CFAP54: variants seen among roughly 807,000 people sequenced by gnomAD.
The protein encoded by CFAP54 is cilia- and flagella-associated protein 54.
In CFAP54, 290 loss-of-function variants were observed where a neutral mutation model predicts 370.4. The observed-to-expected ratio is 0.78, with a 90% CI of 0.71 to 0.86. CFAP54 has a LOEUF of 0.86. Among genes scored for constraint, CFAP54 ranks in the 40% least tolerant of loss-of-function variants. The pLI, the probability that CFAP54 is intolerant of heterozygous loss-of-function variation, is 0.00. For synonymous variants in CFAP54, 1,206 were observed against 1,236.5 expected (o/e 0.98, Z 0.52); for missense variants, 3,399 against 3,528.7 (o/e 0.96, Z 0.93).
At chr12:96,704,706 A>T (rs549682867) in intron 46 of CFAP54, 37 bp from the exon 47 acceptor site, 58 of 976,184 alleles carry the variant, frequency 5.9e-5, no homozygotes, top group Middle Eastern at 2.3e-4. Flanking sequence ...TACTCAAGTA[A>T]TCTTGTTCTT....
chr12:96,549,260 G>A (rs1410892911), intron 15 of CFAP54, among the ~76,000 whole-genome samples: 2 of 152,038 alleles, frequency 1.3e-5, no homozygotes, highest in Admixed American at 1.3e-4. Flanking sequence ...CTACCTATAG[G>A]TACAAAGTGC....
intron 63 of CFAP54, among the ~76,000 whole-genome samples, chr12:96,803,185 A>G (rs1258991900): frequency 1.3e-5 from 2 of 152,180 alleles, no homozygotes; most frequent in African/African-American, 2.4e-5. Context: ...TCCTTTGGGT[A>G]TATACCCAGT....
chr12:96,654,848 T>TTTTTTTTTTTTTTTTTTTA (rs1565930368), intron 36 of CFAP54, among the ~76,000 whole-genome samples: 2 of 151,092 alleles, frequency 1.3e-5, no homozygotes, highest in Admixed American at 6.6e-5. Context: ...TTTTTTTTTT[T>TTTTTTTTTTTTTTTTTTTA]AAGAAATGAG....
intron 63 of CFAP54, among the ~76,000 whole-genome samples, chr12:96,810,154 A>G (rs1006153751): frequency 1.4e-4 from 21 of 151,660 alleles, no homozygotes; most frequent in Admixed American, 9.2e-4. Flanking sequence ...CTGCCTTTAA[A>G]GGTACCTGAG....
chr12:96,568,183 C>T (rs1434332575), intron 19 of CFAP54, among the ~76,000 whole-genome samples: 5 of 147,516 alleles, frequency 3.4e-5, no homozygotes, highest in African/African-American at 5.0e-5. Flanking sequence ...TATACACGGA[C>T]GATTTTCTTT....
At chr12:96,619,407 T>C (rs748572271) in intron 26 of CFAP54, among the ~76,000 whole-genome samples, 4 of 152,204 alleles carry the variant, frequency 2.6e-5, no homozygotes, top group Non-Finnish European at 5.9e-5. Context: ...GCTCTGTTTC[T>C]TTTCTCTGTT....
intron 62 of CFAP54, 113 bp downstream of exon 62, chr12:96,787,011 A>C: frequency 1.2e-6 from 1 of 817,242 alleles, no homozygotes; most frequent in Non-Finnish European, 1.9e-6. Context: ...CTTCTCTCAG[A>C]GTTCTAGGGA....
chr12:96,823,301 C>G (rs533359842), intron 65 of CFAP54, among the ~76,000 whole-genome samples: 3 of 152,324 alleles, frequency 2.0e-5, no homozygotes, highest in African/African-American at 7.2e-5. Context: ...GATGACTTGT[C>G]TCTTCCTCTC....
intron 50 of CFAP54, among the ~76,000 whole-genome samples, chr12:96,737,727 A>G (rs1192019212): frequency 6.6e-6 from 1 of 152,084 alleles, no homozygotes; most frequent in Non-Finnish European, 1.5e-5. Flanking sequence ...TGACCTCGTG[A>G]TATGCCCGCC....
At position 96,689,471 on chromosome 12, in the gene CFAP54, A is replaced by G. The variant is rs558906369; in HGVS notation, c.6081+489A>G. On this transcript the variant is annotated intron_variant, in intron 43 of 67. Coordinates refer to ENST00000524981, the MANE Select transcript of CFAP54 (RefSeq NM_001306084.2). The stretch of plus-strand genomic sequence containing the variant: ...CTACCATGCCTGGCCCACCTTTAAT[A>G]TTTAACAGAGTCAGTTTTCTCCTTT... Among the ~76,000 whole-genome samples the G allele has an allele frequency of 1.6e-4, 24 of 152,196 alleles. No individual in the cohort carries two copies. The South Asian group carries it at 4.6e-3, about 29-fold the overall frequency.
intron 66 of CFAP54, among the ~76,000 whole-genome samples, chr12:96,833,508 G>A (rs1294915799): frequency 3.0e-3 from 4 of 1,342 alleles, no homozygotes; most frequent in Non-Finnish European, 5.2e-3. Flanking sequence ...ACACGCGTAC[G>A]TGTGTGTGTG....
intron 28 of CFAP54, 121 bp downstream of exon 28, chr12:96,624,002 G>A (rs1956526947): frequency 3.2e-6 from 2 of 626,256 alleles, no homozygotes; most frequent in Non-Finnish European, 5.4e-6. Context: ...TTTACACAGT[G>A]CTTTTATATC....
intron 63 of CFAP54, among the ~76,000 whole-genome samples, chr12:96,805,893 T>C (rs1027757609): frequency 6.6e-6 from 1 of 151,644 alleles, no homozygotes; most frequent in Non-Finnish European, 1.5e-5. Flanking sequence ...TAAAAAATAA[T>C]GAATCATGTC....
At chr12:96,838,540 G>GGA (rs1198728755) in intron 66 of CFAP54, among the ~76,000 whole-genome samples, 1 of 151,972 alleles carries the variant, frequency 6.6e-6, no homozygotes, top group African/African-American at 2.4e-5. Context: ...ACATGTGGCA[G>GGA]GAGAGAGAGA....
chr12:96,828,989 T>C, intron 65 of CFAP54, 25 bp from the exon 66 acceptor site: 3 of 1,246,276 alleles, frequency 2.4e-6, no homozygotes, highest in Non-Finnish European at 3.4e-6. Context: ...TCAACCTCAC[T>C]GTATTACTAT....
At position 96,720,292 on chromosome 12, in the gene CFAP54, T is replaced by G. The variant is rs934166333; in HGVS notation, c.6805-113T>G. 1.5e-5 allele frequency: 14 copies of G among 935,442 alleles called. No individual in the cohort carries two copies. In the African/African-American group the frequency reaches 2.4e-4, roughly 16 times the overall value. 57.9% of individuals were successfully genotyped at this position (935,442 alleles called of 1,614,324 possible). On this transcript the variant is annotated intron_variant, in intron 49 of 67. Coordinates refer to ENST00000524981, the MANE Select transcript of CFAP54 (RefSeq NM_001306084.2). ...GGTAATTAGATACCAAGTTCCTTTT[T>G]GGTCTTCCATTCATTGTTACTTTTC... is the stretch of plus-strand genomic sequence containing the variant.
At chr12:96,501,052 A>AAAAT in intron 2 of CFAP54, 113 bp downstream of exon 2, 1 of 580,010 alleles carries the variant, frequency 1.7e-6, no homozygotes, top group South Asian at 3.2e-5. Context: ...CTCTTAGAAA[A>AAAAT]AAATAAATGA....
At chr12:96,676,339 G>A (rs1957208459) in intron 39 of CFAP54, among the ~76,000 whole-genome samples, 1 of 152,152 alleles carries the variant, frequency 6.6e-6, no homozygotes, top group African/African-American at 2.4e-5. Flanking sequence ...CTTAGAGAAG[G>A]TAACTATCTC....
intron 41 of CFAP54, 109 bp from the exon 42 acceptor site, chr12:96,684,920 T>C (rs1013395922): frequency 2.9e-6 from 3 of 1,038,802 alleles, no homozygotes; most frequent in African/African-American, 3.2e-5. Flanking sequence ...ATTATAGTTA[T>C]ACGTATGTTA....
Sources: gnomAD v4.1 joint callset for allele counts (sites outside exome capture counted in the v4.1 genomes callset) on GRCh38, gnomAD v4.1.1 for gene constraint, MANE v1.5 for transcripts, NCBI Gene and HGNC (gene_info 2026-07-23, HGNC 2026-07-21) for gene names.